The following TNS1 variants were observed in gnomAD, a reference collection of about 807,000 sequenced individuals.
TNS1 encodes tensin 1.
TNS1 carries 62 observed loss-of-function variants against 168.6 expected under a neutral mutation model. The ratio of observed to expected loss-of-function variants is 0.37; its 90% confidence interval spans 0.30 to 0.45. The LOEUF is 0.45. TNS1 is among the 20% of genes least tolerant of loss of function. The pLI, the probability that TNS1 is intolerant of heterozygous loss-of-function variation, is 1.00. For synonymous variants in TNS1, 934 were observed against 933.2 expected (o/e 1.00, Z -0.02); for missense variants, 2,240 against 2,339.4 (o/e 0.96, Z 0.88).
At chr2:217,877,537 C>T (rs898127183) in intron 18 of TNS1, among the ~76,000 whole-genome samples, 13 of 152,222 alleles carry the variant, frequency 8.5e-5, no homozygotes, top group African/African-American at 3.1e-4. Context: ...CAGGCCCCCT[C>T]CCTCTCGGGT....
chr2:217,924,314 TCA>T (rs979087646), intron 3 of TNS1, among the ~76,000 whole-genome samples: 7 of 149,316 alleles, frequency 4.7e-5, no homozygotes, highest in Admixed American at 1.3e-4. Context: ...TCTCTCTCTC[TCA>T]CACACACACA....
intron 4 of TNS1, among the ~76,000 whole-genome samples, chr2:217,907,612 T>C (rs1015871586): frequency 1.3e-5 from 2 of 152,232 alleles, no homozygotes; most frequent in African/African-American, 2.4e-5. Context: ...GTACCATTAA[T>C]ACCTTTTATC....
intron 3 of TNS1, among the ~76,000 whole-genome samples, chr2:217,923,969 G>A (rs116539110): frequency 0.012 from 1,838 of 152,242 alleles, 47 homozygotes; most frequent in African/African-American, 0.042. Flanking sequence ...GGGCACACCC[G>A]TGCAGACTCC....
Position 217,848,242 on chromosome 2 carries a change from C to T in TNS1, c.2275G>A (p.Val759Ile), listed in dbSNP as rs1164840887. ...GCCTCCCGGCTGCTTCCCCCTCGGA[C>T]CGGAGCTGGGGGCAGCTGGGGTTCA... The part of the protein sequence containing the change: ...EAEPQLPPAP[V>I]RGGSSREAVQ... Residue 759 changes from valine (V) to isoleucine (I), a missense_variant, in exon 19 of 33, where the codon GTC becomes ATC. Around this residue, in one of 2 missense-constraint regions of TNS1, gnomAD observed 2,131 missense variants for 2,171.2 expected, o/e 0.98. Transcript: ENST00000682258. 3 of 1,570,150 alleles carry T rather than the reference C, an allele frequency of 1.9e-6. No individual in the cohort carries two copies. Among genetic ancestry groups the T allele is most frequent in the Non-Finnish European group, 2.6e-6 (3 of 1,158,226 alleles).
chr2:217,938,630 C>T (rs1956755232), intron 3 of TNS1, among the ~76,000 whole-genome samples: 1 of 152,214 alleles, frequency 6.6e-6, no homozygotes, highest in Admixed American at 6.5e-5. Flanking sequence ...GCCCATGGTC[C>T]AGGGCAGGCT....
chr2:217,814,435 A>C (rs1276247761), intron 25 of TNS1, among the ~76,000 whole-genome samples: 1 of 152,178 alleles, frequency 6.6e-6, no homozygotes, highest in African/African-American at 2.4e-5. Context: ...GGGAGGATGC[A>C]AGCCAGCAGG....
chr2:217,855,729 C>T (rs140483509), intron 18 of TNS1, among the ~76,000 whole-genome samples: 44 of 152,302 alleles, frequency 2.9e-4, no homozygotes, highest in Admixed American at 7.8e-4. Flanking sequence ...TTGCCTTACA[C>T]CGAGTAGCCG....
chr2:217,884,078 A>G (rs1559296501), intron 16 of TNS1, among the ~76,000 whole-genome samples: 1 of 132,402 alleles, frequency 7.6e-6, no homozygotes, highest in African/African-American at 2.9e-5. Flanking sequence ...GTTCATATCT[A>G]TAGGGTCTAG....
At chr2:218,003,210 C>T (rs1958602530), upstream of TNS1, among the ~76,000 whole-genome samples, 1 of 151,766 alleles carries the variant, frequency 6.6e-6, no homozygotes, top group Non-Finnish European at 1.5e-5. Flanking sequence ...GCCCCCCACC[C>T]CCGGACACAC....
At chr2:217,909,772 C>A (rs564447653) in intron 4 of TNS1, among the ~76,000 whole-genome samples, 1 of 152,254 alleles carries the variant, frequency 6.6e-6, no homozygotes, top group South Asian at 2.1e-4. Flanking sequence ...AGGATTTGGA[C>A]TGACTGCTCC....
chr2:217,971,334 C>T (rs545381035), intron 3 of TNS1, among the ~76,000 whole-genome samples: 2 of 152,330 alleles, frequency 1.3e-5, no homozygotes, highest in Admixed American at 1.3e-4. Flanking sequence ...AGTATGTGCC[C>T]TTTTTGTGTC....
At chr2:217,886,182 A>T in intron 13 of TNS1, 78 bp from the exon 14 acceptor site, 1 of 1,470,188 alleles carries the variant, frequency 6.8e-7, no homozygotes, top group Non-Finnish European at 9.5e-7. Flanking sequence ...GTGAAGGGAG[A>T]AAGAGAGAAA....
intron 3 of TNS1, among the ~76,000 whole-genome samples, chr2:217,942,954 G>T (rs1956990957): frequency 6.6e-6 from 1 of 152,230 alleles, no homozygotes; most frequent in African/African-American, 2.4e-5. Flanking sequence ...CATCTGGGCA[G>T]GCAGTCCTGG....
At chr2:217,949,881 A>C (rs1031179165) in intron 3 of TNS1, among the ~76,000 whole-genome samples, 28 of 152,382 alleles carry the variant, frequency 1.8e-4, no homozygotes, top group Admixed American at 1.6e-3. Context: ...CAAGGGTTCC[A>C]AAGCCATAAA....
At chr2:217,836,560 G>T (rs1482339902) in intron 19 of TNS1, among the ~76,000 whole-genome samples, 1 of 152,198 alleles carries the variant, frequency 6.6e-6, no homozygotes, top group Admixed American at 6.5e-5. Flanking sequence ...GAGGGGAGGT[G>T]GAGGGAAAAG....
intron 4 of TNS1, among the ~76,000 whole-genome samples, chr2:217,915,900 A>C (rs1332002156): frequency 6.6e-6 from 1 of 152,152 alleles, no homozygotes; most frequent in Non-Finnish European, 1.5e-5. Context: ...GTCATGGAAA[A>C]GGCTTTGAAA....
chr2:217,964,016 A>C (rs1957564069), intron 3 of TNS1, among the ~76,000 whole-genome samples: 1 of 152,138 alleles, frequency 6.6e-6, no homozygotes, highest in Non-Finnish European at 1.5e-5. Flanking sequence ...CCCACAACGT[A>C]AGACAGCTAC....
chr2:217,857,396 C>A (rs1343529210), intron 18 of TNS1, among the ~76,000 whole-genome samples: 1 of 152,186 alleles, frequency 6.6e-6, no homozygotes, highest in Admixed American at 6.5e-5. Flanking sequence ...ATTCAGTGCT[C>A]TTGTCCCTAA....
At chr2:217,908,911 T>C (rs2125801391) in intron 4 of TNS1, among the ~76,000 whole-genome samples, 1 of 152,270 alleles carries the variant, frequency 6.6e-6, no homozygotes, top group East Asian at 1.9e-4. Context: ...AGGATGGCTC[T>C]GGAGGAGGAA....
Sources: allele counts gnomAD v4.1 joint callset (sites outside exome capture counted in the v4.1 genomes callset), GRCh38; gene constraint gnomAD v4.1.1; regional missense constraint gnomAD v4.1.1; transcripts MANE v1.5; gene names NCBI Gene and HGNC (gene_info 2026-07-23, HGNC 2026-07-21).